Variants in ZNF215 observed in about 807,000 individuals in gnomAD.
ZNF215 encodes BWSCR2-associated zinc finger protein 2.
In ZNF215, 24 loss-of-function variants were observed where a neutral mutation model predicts 27.2. The observed-to-expected ratio is 0.88, with a 90% confidence interval of 0.64 to 1.24. The LOEUF (loss-of-function observed/expected upper bound fraction) is 1.24. ZNF215 is among the 50% of genes most tolerant of loss of function. ZNF215 has a pLI of 0.00. For synonymous variants in ZNF215, 210 were observed against 204.0 expected, an observed-to-expected ratio of 1.03 and a Z score of -0.25; for missense variants, 675 against 605.7, an observed-to-expected ratio of 1.11 and a Z score of -1.20.
At chr11:6,947,036 T>C (rs1218257818) in intron 6 of ZNF215, among the ~76,000 whole-genome samples, 1 of 152,210 alleles carries the variant, frequency 6.6e-6, no homozygotes, top group Non-Finnish European at 1.5e-5. Flanking sequence ...CAGAGTTTTG[T>C]TTTTTACTTT....
chr11:6,983,767 A>G (rs1303392893), intron 5 of ZNF215, among the ~76,000 whole-genome samples: 1 of 152,178 alleles, frequency 6.6e-6, no homozygotes, highest in Non-Finnish European at 1.5e-5. Flanking sequence ...GTTTCATTAC[A>G]TATGGCAAAG....
downstream of ZNF215, among the ~76,000 whole-genome samples, chr11:6,989,322 C>T (rs77142746): frequency 2.6e-5 from 4 of 152,104 alleles, no homozygotes; most frequent in African/African-American, 7.2e-5. Context: ...TTTCTAGCCA[C>T]GTTTATGCCT....
downstream of ZNF215, among the ~76,000 whole-genome samples, chr11:6,992,335 G>T (rs538308354): frequency 6.6e-4 from 101 of 152,320 alleles, no homozygotes; most frequent in African/African-American, 2.2e-3. Context: ...AAACATCAGT[G>T]TTAGCAAAGT....
At chr11:6,976,377 T>G (rs1305040005) in intron 5 of ZNF215, among the ~76,000 whole-genome samples, 2 of 152,004 alleles carry the variant, frequency 1.3e-5, no homozygotes, top group Non-Finnish European at 2.9e-5. Flanking sequence ...AAATAATATC[T>G]TATGATGAAA....
chr11:6,957,948 TTAA>T lies in ZNF215; in HGVS notation c.*1419_*1421del, dbSNP rs1222703627. On this transcript the variant is annotated 3_prime_UTR_variant, in exon 7 of 7. Coordinates refer to ENST00000278319, the MANE Select transcript of ZNF215 (RefSeq NM_013250.4). Reference sequence around the variant, plus strand: ...AAATTCACACTGGAGACATTCCCAATTAATGATGATGGTAGCTTTTTGTGAAGG... The same window carrying T: ...AAATTCACACTGGAGACATTCCCAATTGATGATGGTAGCTTTTTGTGAAGG... 1.0e-5 allele frequency: 10 copies of T among 985,300 alleles called. No individual in the cohort carries two copies. Among genetic ancestry groups the T allele is most frequent in the Non-Finnish European group, 1.2e-5 (10 of 829,932 alleles). 61.0% of individuals were successfully genotyped at this position (985,300 alleles called of 1,614,324 possible). A position where few individuals can be genotyped will look rare whatever the true frequency, so the allele number is the denominator to read the frequency against.
intron 5 of ZNF215, among the ~76,000 whole-genome samples, chr11:6,966,510 T>A (rs2346002): frequency 1.3e-5 from 2 of 151,020 alleles, no homozygotes; most frequent in African/African-American, 2.4e-5. Flanking sequence ...AAAAAAAAAA[T>A]GTTTATATCA....
chr11:6,962,099 C>T (rs2857893), downstream of ZNF215, among the ~76,000 whole-genome samples: 34,121 of 151,994 alleles, frequency 0.22, 3,971 homozygotes, highest in Non-Finnish European at 0.25. Context: ...GTGGGCAAAG[C>T]TTAGGGAAAC....
chr11:6,971,838 T>C (rs2133336131), intron 5 of ZNF215, among the ~76,000 whole-genome samples: 1 of 152,256 alleles, frequency 6.6e-6, no homozygotes, highest in Admixed American at 6.5e-5. Context: ...GGGAAGAGAA[T>C]ATTGATAAAG....
Position 6,956,812 on chromosome 11 carries a change from T to C in ZNF215, c.*281T>C. 1 of 1,159,362 alleles carries C rather than the reference T, an allele frequency of 8.6e-7. No homozygotes were observed. 71.8% of individuals were successfully genotyped at this position (1,159,362 alleles called of 1,614,324 possible). On this transcript the variant is annotated 3_prime_UTR_variant, in exon 7 of 7. Transcript: ENST00000278319. The stretch of plus-strand genomic sequence containing the variant: ...ATCATTATTTTGATATCCATTACCC[T>C]CACCTCTCCCTAGTTCATAAATAGG...
At chr11:6,967,107 A>G (rs933372376) in intron 5 of ZNF215, among the ~76,000 whole-genome samples, 1 of 152,106 alleles carries the variant, frequency 6.6e-6, no homozygotes, top group Non-Finnish European at 1.5e-5. Context: ...GATGGTTTTC[A>G]GCTTCATCCA....
At position 6,956,150 on chromosome 11, in the gene ZNF215, T is replaced by C; in HGVS notation, c.1173T>C (p.Ser391=). The stretch of plus-strand genomic sequence containing the variant: ...AATGTGGGAAAGCCTTCTGCCGAAG[T>C]TCATCCCTTATTCGACATCAGATCA... ...CYQCGKAFCR[S]SSLIRHQIIH... is the part of the protein sequence containing the mutation. The change falls in exon 7 of 7, where the codon AGT becomes AGC. Residue 391 remains serine (S), a synonymous_variant. Coordinates refer to ENST00000278319, the MANE Select transcript of ZNF215 (RefSeq NM_013250.4). 6.2e-7 allele frequency: 1 copy of C among 1,613,812 alleles called. No homozygotes were observed. Among genetic ancestry groups the C allele is most frequent in the Non-Finnish European group, 8.5e-7 (1 of 1,179,984 alleles).
At chr11:6,981,482 T>G (rs1480065594) in intron 5 of ZNF215, among the ~76,000 whole-genome samples, 2 of 152,214 alleles carry the variant, frequency 1.3e-5, no homozygotes, top group African/African-American at 4.8e-5. Flanking sequence ...TAAATTTGTT[T>G]GAGTTCATTT....
At chr11:6,955,186 T>C (rs1328950999) in intron 6 of ZNF215, among the ~76,000 whole-genome samples, 1 of 152,214 alleles carries the variant, frequency 6.6e-6, no homozygotes, top group Non-Finnish European at 1.5e-5. Context: ...GGAGTAATTG[T>C]GGCTGTATGG....
chr11:6,932,000 T>C (rs1300555361), intron 2 of ZNF215, 94 bp from the exon 3 acceptor site: 2 of 314,868 alleles, frequency 6.4e-6, no homozygotes, highest in African/African-American at 2.1e-5. Context: ...ATCCATAATA[T>C]GCATTTTTCT....
At chr11:6,941,269 A>G (rs1849623100) in intron 3 of ZNF215, among the ~76,000 whole-genome samples, 2 of 152,212 alleles carry the variant, frequency 1.3e-5, no homozygotes, top group African/African-American at 2.4e-5. Context: ...TTATGACAGA[A>G]TTAGTTATTT....
chr11:6,931,495 G>T (rs779102481), intron 2 of ZNF215, among the ~76,000 whole-genome samples: 3 of 152,202 alleles, frequency 2.0e-5, no homozygotes, highest in African/African-American at 4.8e-5. Flanking sequence ...TAAATGTTCA[G>T]TTGCGCCTAA....
chr11:6,975,873 G>C (rs939371326), intron 5 of ZNF215, among the ~76,000 whole-genome samples: 2 of 152,080 alleles, frequency 1.3e-5, no homozygotes, highest in East Asian at 3.9e-4. Context: ...CCAACAGTAG[G>C]ATTGCTGGAT....
At chr11:6,945,416 T>C (rs1849783951) in intron 6 of ZNF215, among the ~76,000 whole-genome samples, 1 of 152,188 alleles carries the variant, frequency 6.6e-6, no homozygotes. Context: ...ACCTCTTCTT[T>C]GTAGCCAAAC....
intron 5 of ZNF215, among the ~76,000 whole-genome samples, chr11:6,976,020 C>T (rs1018000864): frequency 7.2e-5 from 11 of 151,928 alleles, no homozygotes; most frequent in Admixed American, 7.2e-4. Flanking sequence ...TATGCCTGTC[C>T]TTTGGGTATA....
Sources: gnomAD v4.1 joint callset for allele counts (sites outside exome capture counted in the v4.1 genomes callset) on GRCh38, gnomAD v4.1.1 for gene constraint, MANE v1.5 for transcripts, NCBI Gene and HGNC (gene_info 2026-07-23, HGNC 2026-07-21) for gene names.